CHD1: variants seen among roughly 807,000 people sequenced by gnomAD.
CHD1 encodes ATP-dependent chromatin remodeler CHD1.
CHD1 carries 36 observed loss-of-function variants against 224.2 expected under a neutral mutation model. The observed-to-expected ratio is 0.16, with a 90% confidence interval of 0.12 to 0.21. The LOEUF (loss-of-function observed/expected upper bound fraction) is 0.21, where lower values mean the gene tolerates loss of function less well. Ranked by LOEUF, CHD1 falls within the 10% of genes least tolerant of loss-of-function variation. The pLI is 1.00. For missense variants in CHD1, 1,378 were observed against 1,994.8 expected (o/e 0.69, Z 5.89); for synonymous variants, 668 against 658.3 (o/e 1.01, Z -0.23).
chr5:98,863,319 TA>T, intron 32 of CHD1, 88 bp downstream of exon 32: 3 of 729,524 alleles, frequency 4.1e-6, no homozygotes, highest in Non-Finnish European at 6.0e-6. Context: ...TCTTGTTACC[TA>T]AACTTCAGAA....
Position 98,928,569 on chromosome 5 carries a change from C to T in CHD1, c.-179G>A, listed in dbSNP as rs1246831464. On this transcript the variant is annotated 5_prime_UTR_variant, in exon 1 of 36. Coordinates refer to ENST00000614616, the MANE Select transcript of CHD1 (RefSeq NM_001270.4). ...GGCTTGGCGGGGCGGAGGGAGCCGACTCGGGTGGACGGCCTCCCCCGCGCC... is the reference window on the plus strand; with the variant it reads ...GGCTTGGCGGGGCGGAGGGAGCCGATTCGGGTGGACGGCCTCCCCCGCGCC... 2.6e-5 allele frequency: 4 copies of T among 151,888 alleles called. No homozygotes were observed. Among genetic ancestry groups the T allele is most frequent in the African/African-American group, 9.7e-5 (4 of 41,412 alleles). 9.4% of individuals were successfully genotyped at this position (151,888 alleles called of 1,614,324 possible).
At position 98,885,590 on chromosome 5, in the gene CHD1, A is replaced by G; in HGVS notation, c.2556T>C (p.Ala852=). 6.3e-7 allele frequency: 1 copy of G among 1,596,920 alleles called. No individual in the cohort carries two copies. Residue 852 remains alanine (A), a synonymous_variant, in exon 18 of 36, where the codon GCT becomes GCC. Transcript: ENST00000614616. ...CACTAATACATACCTCTGATCCCTC[A>G]GCATTAAAATGATCTAGAGCTTGTT... ...LRKQALDHFN[A]EGSEDFCFLL...
At chr5:98,874,641 G>C (rs1340581938) in intron 25 of CHD1, among the ~76,000 whole-genome samples, 1 of 151,658 alleles carries the variant, frequency 6.6e-6, no homozygotes, top group Non-Finnish European at 1.5e-5. Context: ...GAACCCATGA[G>C]GTGGAGGTTA....
At chr5:98,905,290 C>A (rs1439644717) in intron 2 of CHD1, among the ~76,000 whole-genome samples, 192 bp from the exon 3 acceptor site, 3 of 151,932 alleles carry the variant, frequency 2.0e-5, no homozygotes, top group South Asian at 2.1e-4. Flanking sequence ...TTTATTTATA[C>A]GTGATAGATT....
At chr5:98,924,812 C>CA (rs530634572) in intron 2 of CHD1, among the ~76,000 whole-genome samples, 1 of 151,304 alleles carries the variant, frequency 6.6e-6, no homozygotes, top group African/African-American at 2.4e-5. Flanking sequence ...CCCATCTCTA[C>CA]AAAAAAAATA....
At chr5:98,916,545 C>CAAAAAAAA (rs33988135) in intron 2 of CHD1, among the ~76,000 whole-genome samples, 1 of 40,418 alleles carries the variant, frequency 2.5e-5, no homozygotes. Flanking sequence ...AACTCCGTCT[C>CAAAAAAAA]AAAAAAAAAA....
chr5:98,864,564 G>A (rs1205128522), intron 31 of CHD1, among the ~76,000 whole-genome samples: 5 of 148,878 alleles, frequency 3.4e-5, no homozygotes, highest in Admixed American at 1.3e-4. Flanking sequence ...GCATGGTGGC[G>A]CACACCTGTA....
At chr5:98,884,683 A>C (rs953812470) in intron 18 of CHD1, among the ~76,000 whole-genome samples, 1 of 151,954 alleles carries the variant, frequency 6.6e-6, no homozygotes, top group Non-Finnish European at 1.5e-5. Flanking sequence ...TTTTAAAGGA[A>C]AGTGGGCTAC....
chr5:98,873,794 C>T, intron 25 of CHD1, 71 bp from the exon 26 acceptor site: 2 of 1,418,026 alleles, frequency 1.4e-6, no homozygotes, highest in Non-Finnish European at 9.7e-7. Flanking sequence ...TTAAGTTTCA[C>T]TCTATTTCAA....
Position 98,856,673 on chromosome 5 carries a change from C to G in CHD1, c.4840G>C (p.Asp1614His). The change falls in exon 36 of 36, where the codon GAT becomes CAT. Residue 1614 changes from aspartate to histidine, a missense_variant. Physicochemically the swap from Asp to His is moderately conservative, Grantham distance 81. This residue lies in a region of CHD1 where 278 missense variants were observed against 298.5 expected (regional missense o/e 0.93). Coordinates refer to ENST00000614616, the MANE Select transcript of CHD1 (RefSeq NM_001270.4). ...HRKLDDHRSR[D>H]HRSNLEGSLK... ...CTTCCTTCCAAATTTGACCTGTGAT[C>G]TCTACTCCTGTGATCATCCAGTTTT... is the stretch of plus-strand genomic sequence containing the variant. The G allele has an allele frequency of 6.2e-7, 1 of 1,613,706 alleles. No individual in the cohort carries two copies. Among genetic ancestry groups the G allele is most frequent in the Non-Finnish European group, 8.5e-7 (1 of 1,179,700 alleles).
At chr5:98,907,951 C>CT (rs894040287) in intron 2 of CHD1, among the ~76,000 whole-genome samples, 26 of 152,038 alleles carry the variant, frequency 1.7e-4, no homozygotes, top group African/African-American at 6.3e-4. Flanking sequence ...AGACTTAAAA[C>CT]TTTGAGCTAA....
Position 98,899,709 on chromosome 5 carries a change from A to G in CHD1, c.860-4T>C, listed in dbSNP as rs553336634. ...ATGGTTGTAGTAGCACCAGTAGCTG[A>G]AAACAAAAGCACAAGATCCTTCCAT... On this transcript the variant is annotated splice_region_variant and splice_polypyrimidine_tract_variant and intron_variant, in intron 7 of 35. Coordinates refer to ENST00000614616, the MANE Select transcript of CHD1 (RefSeq NM_001270.4). The G allele has an allele frequency of 5.0e-6, 8 of 1,599,144 alleles. No individual in the cohort carries two copies. The South Asian group carries it at 6.7e-5, about 13-fold the overall frequency.
intron 25 of CHD1, 34 bp from the exon 26 acceptor site, chr5:98,873,757 T>C (rs752353200): frequency 1.9e-6 from 3 of 1,585,412 alleles, no homozygotes; most frequent in Non-Finnish European, 2.6e-6. Context: ...CAGGTAAATA[T>C]GTTAAATGAA....
intron 2 of CHD1, among the ~76,000 whole-genome samples, chr5:98,924,097 A>C (rs1195359540): frequency 6.6e-6 from 1 of 152,106 alleles, no homozygotes; most frequent in African/African-American, 2.4e-5. Flanking sequence ...CTCTACAAAA[A>C]ATTTTAAAAT....
At chr5:98,884,440 T>C (rs1242488283) in intron 18 of CHD1, among the ~76,000 whole-genome samples, 1 of 152,016 alleles carries the variant, frequency 6.6e-6, no homozygotes, top group Non-Finnish European at 1.5e-5. Flanking sequence ...TTCTCACTTG[T>C]AAGAGGGAAC....
chr5:98,881,511 CCTT>C (rs1333934651), intron 20 of CHD1, 136 bp from the exon 21 acceptor site: 1 of 516,268 alleles, frequency 1.9e-6, no homozygotes, highest in Non-Finnish European at 3.4e-6. Context: ...GTATTAGAAT[CCTT>C]TTTTTTTTTT....
rs1213334306 is a variant in CHD1, at chr5:98,869,912, T to G, written c.3979-30A>C. On this transcript the variant is annotated intron_variant, in intron 29 of 35. Coordinates refer to ENST00000614616, the MANE Select transcript of CHD1 (RefSeq NM_001270.4). ...AAATCATTATTTTAATTTTAACCAA[T>G]TCTACAGATTTCATTTTTAAAAACT... The G allele has an allele frequency of 3.3e-6, 5 of 1,519,770 alleles. No individual in the cohort carries two copies. In the Admixed American group the frequency reaches 7.4e-5, roughly 22 times the overall value. 94.1% of individuals were successfully genotyped at this position (1,519,770 alleles called of 1,614,324 possible). A position where few individuals can be genotyped will look rare whatever the true frequency, so the allele number is the denominator to read the frequency against.
intron 10 of CHD1, among the ~76,000 whole-genome samples, chr5:98,897,657 CT>C (rs1386539485): frequency 6.6e-6 from 1 of 152,174 alleles, no homozygotes; most frequent in African/African-American, 2.4e-5. Flanking sequence ...AACCATAAAA[CT>C]GGCTTAGCTT....
chr5:98,858,133 A>AG, intron 35 of CHD1, 47 bp downstream of exon 35: 2 of 1,459,282 alleles, frequency 1.4e-6, no homozygotes, highest in Admixed American at 3.4e-5. Context: ...CATGATAAGG[A>AG]GAAAAACATG....
Sources: allele counts gnomAD v4.1 joint callset (sites outside exome capture counted in the v4.1 genomes callset), GRCh38; gene constraint gnomAD v4.1.1; regional missense constraint gnomAD v4.1.1; transcripts MANE v1.5; gene names NCBI Gene and HGNC (gene_info 2026-07-23, HGNC 2026-07-21).